Variants in SNX10 observed in about 807,000 individuals in gnomAD.
The protein encoded by SNX10 is sorting nexin-10.
Under a neutral mutation model 28.5 loss-of-function variants are expected in SNX10, and 25 were observed. That is an observed-to-expected ratio of 0.88 (90% CI 0.64 to 1.22). The LOEUF is 1.22. Ranked by LOEUF, SNX10 falls within the 50% of genes most tolerant of loss-of-function variation. The pLI is 0.00. For missense variants in SNX10, 223 were observed against 242.6 expected (o/e 0.92, Z 0.54); for synonymous variants, 62 against 81.4 (o/e 0.76, Z 1.28).
chr7:26,341,994 CTCTTTCTT>C (rs747406391), intron 1 of SNX10, among the ~76,000 whole-genome samples: 1 of 142,498 alleles, frequency 7.0e-6, no homozygotes, highest in Non-Finnish European at 1.5e-5. Context: ...CTCTCTCTCT[CTCTTTCTT>C]TCTTTCCTTC....
chr7:26,317,766 G>A (rs1252272364), intron 1 of SNX10, among the ~76,000 whole-genome samples: 5 of 150,496 alleles, frequency 3.3e-5, no homozygotes, highest in South Asian at 2.1e-4. Flanking sequence ...GGGTTCAAGC[G>A]ATTCTCCTGC....
At chr7:26,360,880 T>C in intron 2 of SNX10, 95 bp from the exon 3 acceptor site, 1 of 1,558,474 alleles carries the variant, frequency 6.4e-7, no homozygotes, top group Admixed American at 2.0e-5. Flanking sequence ...TTAAAGCTCA[T>C]TTCAGTTTTG....
rs573266563 is a variant in SNX10 at position 26,345,120 on chromosome 7, T to A, written c.-23-1300T>A. ...GTTCACTCCAGTCATCCAGGATGAT[T>A]TTATCTTGAGATTCTTAATTATGTC... is the stretch of plus-strand genomic sequence containing the variant. On this transcript the variant is annotated intron_variant, in intron 1 of 6. Coordinates refer to ENST00000338523, the MANE Select transcript of SNX10 (RefSeq NM_013322.3). Among the ~76,000 whole-genome samples the A allele has an allele frequency of 5.9e-5, 9 of 152,320 alleles. No homozygotes were observed. The South Asian group carries it at 1.9e-3, about 32-fold the overall frequency.
intron 2 of SNX10, among the ~76,000 whole-genome samples, chr7:26,358,806 T>TA (rs971923876): frequency 1.9e-5 from 1 of 52,608 alleles, no homozygotes; most frequent in African/African-American, 5.7e-5. Flanking sequence ...TTATCTTGTG[T>TA]TTTTTTTTTT....
intron 1 of SNX10, among the ~76,000 whole-genome samples, chr7:26,320,067 C>T (rs1226211791): frequency 1.3e-5 from 2 of 151,078 alleles, no homozygotes; most frequent in Non-Finnish European, 1.5e-5. Context: ...CTGCAACCTC[C>T]ACCTCCCGGG....
At chr7:26,315,855 G>C (rs961476049) in intron 1 of SNX10, among the ~76,000 whole-genome samples, 3 of 151,952 alleles carry the variant, frequency 2.0e-5, no homozygotes, top group East Asian at 3.8e-4. Context: ...TTTGTATTTA[G>C]AAGGTATCTT....
intron 1 of SNX10, among the ~76,000 whole-genome samples, chr7:26,318,642 T>C (rs1787187312): frequency 6.6e-6 from 1 of 152,168 alleles, no homozygotes; most frequent in African/African-American, 2.4e-5. Context: ...TCGCTAATTT[T>C]TGTGTTTATT....
intron 1 of SNX10, among the ~76,000 whole-genome samples, chr7:26,319,831 G>A (rs1309434878): frequency 6.6e-6 from 1 of 152,078 alleles, no homozygotes; most frequent in Non-Finnish European, 1.5e-5. Context: ...GGAGCCAAGT[G>A]TTCACTTCTC....
chr7:26,361,108 G>A (rs201767770), intron 3 of SNX10, 47 bp downstream of exon 3: 12 of 1,528,682 alleles, frequency 7.8e-6, no homozygotes, highest in Non-Finnish European at 9.7e-6. Flanking sequence ...GACTTTTATG[G>A]GATACATTTT....
chr7:26,372,175 TTTTA>T, intron 6 of SNX10, 142 bp downstream of exon 6: 1 of 636,638 alleles, frequency 1.6e-6, no homozygotes, highest in Non-Finnish European at 2.7e-6. Flanking sequence ...TTGACTGAGA[TTTTA>T]TTGAGCTGTG....
intron 1 of SNX10, among the ~76,000 whole-genome samples, chr7:26,344,866 A>T (rs568364919): frequency 6.6e-6 from 1 of 152,288 alleles, no homozygotes; most frequent in Admixed American, 6.5e-5. Context: ...GAACAGCAGA[A>T]ATTTATTCTG....
chr7:26,342,301 A>G (rs1788215527), intron 1 of SNX10, among the ~76,000 whole-genome samples: 1 of 152,114 alleles, frequency 6.6e-6, no homozygotes, highest in Non-Finnish European at 1.5e-5. Flanking sequence ...TGTTGGGATT[A>G]CAGGCGTGAG....
At chr7:26,293,140 A>G (rs1460963828) in intron 1 of SNX10, 15 of 152,252 alleles carry the variant, frequency 9.9e-5, no homozygotes, top group Non-Finnish European at 1.8e-4. Flanking sequence ...CATCACTTCC[A>G]GTGATGCCTA....
intron 1 of SNX10, among the ~76,000 whole-genome samples, chr7:26,314,271 T>G (rs1170842318): frequency 6.6e-6 from 1 of 152,146 alleles, no homozygotes; most frequent in Non-Finnish European, 1.5e-5. Flanking sequence ...TCAATTTTTT[T>G]TTTTGAGATG....
At chr7:26,327,734 T>C (rs1171843831) in intron 1 of SNX10, among the ~76,000 whole-genome samples, 1 of 140,504 alleles carries the variant, frequency 7.1e-6, no homozygotes, top group Non-Finnish European at 1.5e-5. Context: ...TTCTTTTTTT[T>C]TTTTTTTTTT....
Position 26,314,368 on chromosome 7 carries a change from C to T in SNX10, c.-24+22282C>T, listed in dbSNP as rs74390281. ...TGCCTCCATTCAAACGATTCTCCTG[C>T]CTCAGCCTCCCGAGTAGCTGGGATT... On this transcript the variant is annotated intron_variant, in intron 1 of 6. Transcript: ENST00000338523. 3.5e-3 allele frequency among the ~76,000 whole-genome samples: 524 copies of T among 150,920 alleles called. 5 individuals carry two copies. The highest frequency in any genetic ancestry group is 0.012 in the African/African-American group (510 of 41,092).
At chr7:26,294,181 A>G (rs1022396884) in intron 1 of SNX10, among the ~76,000 whole-genome samples, 9 of 152,194 alleles carry the variant, frequency 5.9e-5, no homozygotes, top group Non-Finnish European at 1.3e-4. Context: ...GAATCCCCCA[A>G]ATTTAGCATT....
intron 5 of SNX10, among the ~76,000 whole-genome samples, chr7:26,365,967 C>G (rs1407730180): frequency 6.6e-6 from 1 of 152,178 alleles, no homozygotes; most frequent in Non-Finnish European, 1.5e-5. Flanking sequence ...AAGTTAGTGA[C>G]TGTAAAGCAC....
intron 2 of SNX10, among the ~76,000 whole-genome samples, chr7:26,350,823 A>G (rs1270666308): frequency 6.6e-6 from 1 of 152,182 alleles, no homozygotes; most frequent in Non-Finnish European, 1.5e-5. Context: ...TATTGTCTTC[A>G]CACATACACA....
Sources: gnomAD v4.1 joint callset for allele counts (sites outside exome capture counted in the v4.1 genomes callset) on GRCh38, gnomAD v4.1.1 for gene constraint, MANE v1.5 for transcripts, NCBI Gene and HGNC (gene_info 2026-07-23, HGNC 2026-07-21) for gene names.